ACSM6: variants seen among roughly 807,000 people sequenced by gnomAD.
ACSM6 encodes the protein acyl-coenzyme A synthetase ACSM6, mitochondrial.
In ACSM6, 35 loss-of-function variants were observed where a neutral mutation model predicts 51.1. That is an observed-to-expected ratio of 0.69 (90% CI 0.52 to 0.91). The LOEUF (loss-of-function observed/expected upper bound fraction) is 0.91. Among genes scored for constraint, ACSM6 ranks in the 40% least tolerant of loss-of-function variants. ACSM6 has a pLI of 0.00. For synonymous variants in ACSM6, 172 were observed against 207.3 expected, an observed-to-expected ratio of 0.83 and a Z score of 1.46; for missense variants, 509 against 584.1, an observed-to-expected ratio of 0.87 and a Z score of 1.32.
At chr10:95,223,026 A>AT (rs1463420643) in intron 9 of ACSM6, among the ~76,000 whole-genome samples, 2 of 151,958 alleles carry the variant, frequency 1.3e-5, no homozygotes, top group Non-Finnish European at 2.9e-5. Flanking sequence ...TAGAGGGTTT[A>AT]TTTTTTTAAT....
chr10:95,194,883 A>G (rs763360409), intron 2 of ACSM6, among the ~76,000 whole-genome samples: 3 of 152,248 alleles, frequency 2.0e-5, no homozygotes, highest in Non-Finnish European at 4.4e-5. Context: ...CTAAATAACC[A>G]TGCAAACTTG....
intron 2 of ACSM6, among the ~76,000 whole-genome samples, chr10:95,196,089 G>A (rs1184719311): frequency 6.6e-6 from 1 of 151,918 alleles, no homozygotes; most frequent in Non-Finnish European, 1.5e-5. Context: ...CAGGCACTAT[G>A]TGTGAGTCCT....
exon 9 of ACSM6, chr10:95,219,935 C>A (rs1385864798): frequency 1.9e-6 from 3 of 1,613,558 alleles, no homozygotes; most frequent in Non-Finnish European, 2.5e-6. Flanking sequence ...TGAAGCCAAG[C>A]TCTCTGGGGA....
At chr10:95,211,793 G>A in intron 5 of ACSM6, 85 bp from the exon 6 acceptor site, 1 of 1,382,552 alleles carries the variant, frequency 7.2e-7, no homozygotes, top group Non-Finnish European at 9.8e-7. Context: ...TCTCCCCACA[G>A]GTCAGGGCTT....
chr10:95,220,893 TAG>T (rs34212653), intron 9 of ACSM6, among the ~76,000 whole-genome samples: 42,616 of 151,998 alleles, frequency 0.28, 7,266 homozygotes, highest in Non-Finnish European at 0.39. Flanking sequence ...TCTCTATTAA[TAG>T]AGTTAATTAA....
chr10:95,218,495 A>G lies in ACSM6; in HGVS notation c.1120-1396A>G, dbSNP rs111924865. Among the ~76,000 whole-genome samples, 1,227 of 152,234 alleles carry G rather than the reference A, an allele frequency of 8.1e-3. 26 individuals carry two copies. Among genetic ancestry groups the G allele is most frequent in the African/African-American group, 0.028 (1,175 of 41,516 alleles). On this transcript the variant is annotated intron_variant, in intron 8 of 10. Transcript: ENST00000341686. ...CAGCTCTCTCTTTCTCTCCCTCTCA[A>G]TTGCTCCATCTGCTTTTTTCTCTGA...
chr10:95,207,839 G>T (rs1347749811), intron 4 of ACSM6, among the ~76,000 whole-genome samples: 3 of 152,120 alleles, frequency 2.0e-5, no homozygotes, highest in African/African-American at 7.2e-5. Context: ...GTCGCACATG[G>T]TGGCTCATGC....
intron 4 of ACSM6, among the ~76,000 whole-genome samples, chr10:95,209,286 A>AC (rs1376111633): frequency 6.6e-6 from 1 of 152,148 alleles, no homozygotes; most frequent in Non-Finnish European, 1.5e-5. Context: ...GAGGAACAGA[A>AC]AGAACACCAG....
At chr10:95,194,802 A>C (rs1262181937) in intron 2 of ACSM6, 125 bp downstream of exon 2, 1 of 838,362 alleles carries the variant, frequency 1.2e-6, no homozygotes, top group Non-Finnish European at 1.8e-6. Context: ...GAGAAAAGAA[A>C]TTATAGCAAA....
chr10:95,213,155 A>G (rs2034911922), intron 7 of ACSM6, among the ~76,000 whole-genome samples: 1 of 152,222 alleles, frequency 6.6e-6, no homozygotes, highest in Non-Finnish European at 1.5e-5. Flanking sequence ...AAATTAAATT[A>G]TAATTAGAAG....
intron 6 of ACSM6, 63 bp downstream of exon 6, chr10:95,212,097 C>G (rs1304680871): frequency 3.2e-6 from 5 of 1,584,922 alleles, no homozygotes; most frequent in Non-Finnish European, 4.3e-6. Flanking sequence ...TTAGCAATGA[C>G]CCAGTGACTC....
At chr10:95,196,330 AG>A (rs898532512) in intron 2 of ACSM6, among the ~76,000 whole-genome samples, 1 of 152,308 alleles carries the variant, frequency 6.6e-6, no homozygotes, top group Non-Finnish European at 1.5e-5. Context: ...CTGTGAGCAA[AG>A]GCTTGGGCTC....
At position 95,207,195 on chromosome 10, in the gene ACSM6, TG is replaced by T; in HGVS notation, c.404-11del. The T allele has an allele frequency of 6.4e-7, 1 of 1,569,428 alleles. No homozygotes were observed. The highest frequency in any genetic ancestry group is 8.6e-7 in the Non-Finnish European group (1 of 1,157,182). On this transcript the variant is annotated splice_polypyrimidine_tract_variant and intron_variant, in intron 3 of 10. Coordinates refer to ENST00000341686, the Ensembl canonical transcript of ACSM6. ...AAGATAAAAATGAAGCCTTCTTTTG[TG>T]GTTTTTTTCAGGAATCACCTTTGTG... is the stretch of plus-strand genomic sequence containing the variant.
At chr10:95,225,547 C>T (rs2035029543) in intron 10 of ACSM6, 156 bp downstream of exon 10, 1 of 496,610 alleles carries the variant, frequency 2.0e-6, no homozygotes, top group East Asian at 3.3e-5. Flanking sequence ...GTAGCACTCA[C>T]CTACATTCAC....
intron 5 of ACSM6, 43 bp downstream of exon 5, chr10:95,210,836 C>A: frequency 6.3e-7 from 1 of 1,583,508 alleles, no homozygotes. Flanking sequence ...AAGTTGTTCT[C>A]TTGCAGGTAA....
intron 2 of ACSM6, among the ~76,000 whole-genome samples, chr10:95,198,619 C>A (rs2034759525): frequency 6.7e-6 from 1 of 149,468 alleles, no homozygotes. Flanking sequence ...CCACTGCACT[C>A]CAGCCTGGGC....
intron 5 of ACSM6, among the ~76,000 whole-genome samples, chr10:95,211,598 A>C (rs905714444): frequency 6.6e-6 from 1 of 152,252 alleles, no homozygotes; most frequent in Non-Finnish European, 1.5e-5. Context: ...TCCATTAATT[A>C]ATAAAAGTGC....
intron 4 of ACSM6, among the ~76,000 whole-genome samples, 157 bp from the exon 5 acceptor site, chr10:95,210,493 G>C (rs1291390082): frequency 6.6e-6 from 1 of 152,120 alleles, no homozygotes. Context: ...AAAATTTAAG[G>C]GAAAAATGGC....
In ACSM6 at chr10:95,215,106, C is replaced by CT. The variant is rs145948494; in HGVS notation, c.1119+133dup. ...TCTTAAGCACAGGAAGAGGAAATGGCTTAAACTAGGGAGACCCCTCTTCCA... is the reference window on the plus strand; with the variant it reads ...TCTTAAGCACAGGAAGAGGAAATGGCTTTAAACTAGGGAGACCCCTCTTCCA... On this transcript the variant is annotated intron_variant, in intron 8 of 10. Coordinates refer to ENST00000341686, the Ensembl canonical transcript of ACSM6. 175 of 1,101,812 alleles carry CT rather than the reference C, an allele frequency of 1.6e-4. 2 individuals are homozygous for CT. In the East Asian group the frequency reaches 4.4e-3, roughly 28 times the overall value. The allele number at this position is 1,101,812 out of a possible 1,614,324, so 68.3% of individuals were successfully genotyped here. A position where few individuals can be genotyped will look rare whatever the true frequency, so the allele number is the denominator to read the frequency against.
Sources: gnomAD v4.1 joint callset for allele counts (sites outside exome capture counted in the v4.1 genomes callset) on GRCh38, gnomAD v4.1.1 for gene constraint, MANE v1.5 for transcripts, NCBI Gene and HGNC (gene_info 2026-07-23, HGNC 2026-07-21) for gene names.